FRAS1: variants seen among roughly 807,000 people sequenced by gnomAD.
FRAS1 encodes Fraser extracellular matrix complex subunit 1.
Under a neutral mutation model 435.2 loss-of-function variants are expected in FRAS1, and 290 were observed. The observed-to-expected ratio is 0.67, with a 90% CI of 0.61 to 0.73. FRAS1 has a LOEUF of 0.73. Among genes scored for constraint, FRAS1 ranks in the 30% least tolerant of loss-of-function variants. The pLI is 0.00. For missense variants in FRAS1, 4,860 were observed against 5,001.5 expected (o/e 0.97, Z 0.85); for synonymous variants, 1,800 against 1,851.0 (o/e 0.97, Z 0.71).
intron 18 of FRAS1, among the ~76,000 whole-genome samples, chr4:78,329,477 A>G (rs1729853775): frequency 6.6e-6 from 1 of 152,214 alleles, no homozygotes; most frequent in Admixed American, 6.5e-5. Context: ...GAATGGCATT[A>G]CACTAATCCA....
intron 38 of FRAS1, among the ~76,000 whole-genome samples, chr4:78,436,832 G>C (rs899070228): frequency 2.0e-5 from 3 of 151,988 alleles, no homozygotes; most frequent in African/African-American, 7.3e-5. Context: ...CAAGATTTAG[G>C]GTGATGGGAG....
chr4:78,077,722 C>T (rs1020434843), intron 2 of FRAS1, among the ~76,000 whole-genome samples: 2 of 152,110 alleles, frequency 1.3e-5, no homozygotes, highest in Non-Finnish European at 1.5e-5. Flanking sequence ...AATTGTTTCA[C>T]TTATAAACAG....
At chr4:78,416,269 G>A (rs1253847781) in intron 32 of FRAS1, among the ~76,000 whole-genome samples, 1 of 152,102 alleles carries the variant, frequency 6.6e-6, no homozygotes, top group Non-Finnish European at 1.5e-5. Context: ...AAGTAGAATG[G>A]TAGTTACCAG....
intron 33 of FRAS1, among the ~76,000 whole-genome samples, chr4:78,420,894 A>G (rs1395317011): frequency 0.059 from 3,011 of 51,384 alleles, 213 homozygotes; most frequent in African/African-American, 0.14. Context: ...ATATATATAT[A>G]TATATATATA....
At chr4:78,333,500 A>G (rs549718148) in intron 19 of FRAS1, 88 bp downstream of exon 19, 39 of 1,352,084 alleles carry the variant, frequency 2.9e-5, no homozygotes, top group Non-Finnish European at 3.7e-5. Flanking sequence ...AAACCTTGTC[A>G]TACCGGGGAC....
chr4:78,486,005 A>G (rs1720156571), intron 58 of FRAS1, among the ~76,000 whole-genome samples: 1 of 152,102 alleles, frequency 6.6e-6, no homozygotes, highest in Non-Finnish European at 1.5e-5. Context: ...ACCTGTTCTC[A>G]CCTACCTTTG....
chr4:78,389,128 A>G (rs1732345581), intron 29 of FRAS1, among the ~76,000 whole-genome samples: 1 of 152,258 alleles, frequency 6.6e-6, no homozygotes, highest in Non-Finnish European at 1.5e-5. Context: ...AGGCTGAGCC[A>G]TTGCTAGACC....
intron 11 of FRAS1, among the ~76,000 whole-genome samples, chr4:78,282,079 G>A (rs189885811): frequency 2.4e-4 from 37 of 152,246 alleles, no homozygotes; most frequent in South Asian, 1.2e-3. Context: ...CTTAATAAGC[G>A]TTTTATAAAA....
intron 2 of FRAS1, among the ~76,000 whole-genome samples, chr4:78,226,379 T>C (rs1578195403): frequency 1.3e-5 from 2 of 152,316 alleles, no homozygotes; most frequent in South Asian, 4.1e-4. Context: ...AGTTTGGATC[T>C]GAAGGTGACA....
chr4:78,243,188 CTATA>C (rs879486530), intron 3 of FRAS1, among the ~76,000 whole-genome samples: 5,007 of 99,804 alleles, frequency 0.05, 275 homozygotes, highest in African/African-American at 0.13. Flanking sequence ...TTAACTCTCT[CTATA>C]TATATATATG....
chr4:78,217,899 T>TTGCCC (rs1723845753), intron 2 of FRAS1, among the ~76,000 whole-genome samples: 1 of 27,438 alleles, frequency 3.6e-5, no homozygotes, highest in Admixed American at 3.9e-4. Flanking sequence ...CTCTCCTCTC[T>TTGCCC]TCCCCTCCCC....
chr4:78,081,977 C>T (rs1740917783), intron 2 of FRAS1, among the ~76,000 whole-genome samples: 1 of 151,914 alleles, frequency 6.6e-6, no homozygotes. Context: ...TCTTTTTTTC[C>T]CGCATCTTAC....
chr4:78,539,319 A>G lies in FRAS1; in HGVS notation c.11324A>G (p.Asp3775Gly). Residue 3775 changes from aspartate (D) to glycine (G), a missense_variant, in exon 73 of 74, where the codon GAT becomes GGT. Asp to Gly is a moderately conservative substitution (Grantham distance 94). Coordinates refer to ENST00000512123, the MANE Select transcript of FRAS1 (RefSeq NM_025074.7). ...LLDRNQPEVT[D>G]KYFHDVPFEA... Reference sequence around the variant, plus strand: ...GACCGCAATCAGCCAGAGGTAACTGATAAGTACTTCCATGATGTGCCTTTT... The same window carrying G: ...GACCGCAATCAGCCAGAGGTAACTGGTAAGTACTTCCATGATGTGCCTTTT... The G allele has an allele frequency of 3.1e-6, 5 of 1,611,568 alleles. No homozygotes were observed. Among genetic ancestry groups the G allele is most frequent in the Non-Finnish European group, 4.2e-6 (5 of 1,179,174 alleles).
At chr4:78,153,552 G>C (rs537611801) in intron 2 of FRAS1, among the ~76,000 whole-genome samples, 1 of 152,288 alleles carries the variant, frequency 6.6e-6, no homozygotes, top group South Asian at 2.1e-4. Flanking sequence ...CAAACCTCCA[G>C]AAGTATATTT....
In FRAS1 at chr4:78,363,366, C is replaced by T. The variant is rs79690614; in HGVS notation, c.2423-147C>T. On this transcript the variant is annotated intron_variant, in intron 20 of 73. Transcript: ENST00000512123. ...AATTTGTACAGGTCCCAAGCTTCTA[C>T]TTTACTGATATACACTGCCTTTGGG... 3,442 of 729,326 alleles carry T rather than the reference C, an allele frequency of 4.7e-3. 78 individuals carry two copies. The African/African-American group carries it at 0.053, about 11-fold the overall frequency. 45.2% of individuals were successfully genotyped at this position (729,326 alleles called of 1,614,324 possible). A position where few individuals can be genotyped will look rare whatever the true frequency, so the allele number is the denominator to read the frequency against.
At chr4:78,091,061 TTTGGCTGTCTGGGGTTCAAA>T (rs1741490276) in intron 2 of FRAS1, among the ~76,000 whole-genome samples, 1 of 152,136 alleles carries the variant, frequency 6.6e-6, no homozygotes, top group South Asian at 2.1e-4. Context: ...TGGGAGGCCG[TTTGGCTGTCTGGGGTTCAAA>T]TTTGCATTTA....
intron 1 of FRAS1, among the ~76,000 whole-genome samples, chr4:78,065,081 T>TATATATATACAC (rs762909923): frequency 2.1e-3 from 265 of 125,680 alleles, no homozygotes; most frequent in Middle Eastern, 4.3e-3. Flanking sequence ...TATATATATA[T>TATATATATACAC]ATACATACAC....
rs753386278 is a variant in FRAS1 at position 78,284,472 on chromosome 4, T to C, written c.1323T>C (p.Pro441=). 2.5e-6 allele frequency: 4 copies of C among 1,613,762 alleles called. No homozygotes were observed. The highest frequency in any genetic ancestry group is 2.2e-5 in the South Asian group (2 of 91,072). The change falls in exon 13 of 74, where the codon CCT becomes CCC. Residue 441 remains proline, a synonymous_variant. Coordinates refer to ENST00000512123, the MANE Select transcript of FRAS1 (RefSeq NM_025074.7). The part of the protein sequence containing the change: ...SPDHCDLCQD[P]TKLLQNGWCV... ...ACCACTGTGACCTCTGCCAAGATCC[T>C]ACCAAGTTACTGCAGAATGGATGGT...
chr4:78,387,847 A>G, intron 29 of FRAS1, 146 bp downstream of exon 29: 2 of 531,130 alleles, frequency 3.8e-6, no homozygotes, highest in African/African-American at 1.9e-5. Context: ...GGCACTATAT[A>G]TCTAGTTAGG....
Sources: allele counts gnomAD v4.1 joint callset (sites outside exome capture counted in the v4.1 genomes callset), GRCh38; gene constraint gnomAD v4.1.1; transcripts MANE v1.5; gene names NCBI Gene and HGNC (gene_info 2026-07-23, HGNC 2026-07-21).